The following BCAS3 variants were observed in gnomAD, a reference collection of about 807,000 sequenced individuals.
BCAS3 encodes BCAS4/BCAS3 fusion.
A neutral mutation model predicts 116.1 loss-of-function variants in BCAS3; 53 were observed. That is an observed-to-expected ratio of 0.46 (90% CI 0.37 to 0.57). The LOEUF is 0.57. BCAS3 is among the 20% of genes least tolerant of loss of function. The probability of loss-of-function intolerance (pLI) is 0.00; values close to 1 mark genes in which losing one functional copy is unlikely to be tolerated. For missense variants in BCAS3, 917 were observed against 1,165.4 expected (o/e 0.79, Z 3.10); for synonymous variants, 391 against 408.2 (o/e 0.96, Z 0.51).
Position 61,332,839 on chromosome 17 carries a change from C to T in BCAS3, c.2426-35488C>T, listed in dbSNP as rs1441532540. On this transcript the variant is annotated intron_variant, in intron 22 of 23. Transcript: ENST00000407086. The surrounding 1 kb of genome is among the most constrained non-coding windows in gnomAD (Gnocchi z 5.4). The stretch of plus-strand genomic sequence containing the variant: ...CCATGTTAGCCAGGCTGGTCTCAAA[C>T]TCCTGACCTCAGGTGATCTGCCCGC... Among the ~76,000 whole-genome samples, 1 of 152,206 alleles carries T rather than the reference C, an allele frequency of 6.6e-6. No homozygotes were observed. Among genetic ancestry groups the T allele is most frequent in the Non-Finnish European group, 1.5e-5 (1 of 68,040 alleles).
At chr17:61,357,986 G>A (rs887795836) in intron 22 of BCAS3, among the ~76,000 whole-genome samples, 1 of 151,692 alleles carries the variant, frequency 6.6e-6, no homozygotes, top group Admixed American at 6.6e-5. Flanking sequence ...TCCTTGGGAT[G>A]CTAAGGCACA....
chr17:61,202,852 A>T (rs777892761), intron 22 of BCAS3, among the ~76,000 whole-genome samples: 25 of 152,326 alleles, frequency 1.6e-4, no homozygotes, highest in Non-Finnish European at 2.5e-4. Flanking sequence ...AATAGCCTAA[A>T]TATCTCATAG....
At chr17:60,872,728 CAT>C (rs900172637) in intron 8 of BCAS3, among the ~76,000 whole-genome samples, 3 of 148,464 alleles carry the variant, frequency 2.0e-5, no homozygotes, top group African/African-American at 5.0e-5. Context: ...TATACACACA[CAT>C]ACCTCATATA....
Position 61,158,574 on chromosome 17 carries a change from A to G in BCAS3, c.2425+74010A>G, listed in dbSNP as rs115912462. Reference sequence around the variant, plus strand: ...AGATTGCATTACTCTTGCATCAAATATCATGCTATCTTCATCCAGGCTTTT... The same window carrying G: ...AGATTGCATTACTCTTGCATCAAATGTCATGCTATCTTCATCCAGGCTTTT... On this transcript the variant is annotated intron_variant, in intron 22 of 23. Transcript: ENST00000407086. Among the ~76,000 whole-genome samples the G allele has an allele frequency of 8.3e-3, 1,267 of 152,328 alleles. 22 individuals carry two copies. The highest frequency in any genetic ancestry group is 0.029 in the African/African-American group (1,197 of 41,576).
chr17:60,898,778 AC>A (rs2057682340), intron 10 of BCAS3, among the ~76,000 whole-genome samples: 1 of 152,024 alleles, frequency 6.6e-6, no homozygotes, highest in Non-Finnish European at 1.5e-5. Context: ...ATGGGTGATA[AC>A]GGTAGCAGTG....
rs2080717668 is a variant in BCAS3, at chr17:61,199,785, T to C, written c.2425+115221T>C. On this transcript the variant is annotated intron_variant, in intron 22 of 23. Transcript: ENST00000407086. This position sits in a 1 kb window ranked among gnomAD's most constrained non-coding sequence, Gnocchi z 4.6. ...ATGTTGTCCTCAGCAATAGATCCTA[T>C]CTCTATCCCTTTTCCAAAAGCCCGG... Among the ~76,000 whole-genome samples, 1 of 152,184 alleles carries C rather than the reference T, an allele frequency of 6.6e-6. No individual in the cohort carries two copies. Among genetic ancestry groups the C allele is most frequent in the Non-Finnish European group, 1.5e-5 (1 of 68,028 alleles).
chr17:60,873,522 CTATTTA>C (rs2055318136), intron 8 of BCAS3, among the ~76,000 whole-genome samples: 1 of 151,958 alleles, frequency 6.6e-6, no homozygotes, highest in Non-Finnish European at 1.5e-5. Context: ...TTAAGCTTGG[CTATTTA>C]TATTAATATG....
chr17:60,753,971 C>T (rs1358747659), intron 6 of BCAS3, among the ~76,000 whole-genome samples: 2 of 152,136 alleles, frequency 1.3e-5, no homozygotes, highest in African/African-American at 4.8e-5. Context: ...AGACAATAAT[C>T]TAGAATGCTA....
intron 14 of BCAS3, among the ~76,000 whole-genome samples, chr17:60,954,735 C>T (rs959192455): frequency 6.6e-6 from 1 of 152,042 alleles, no homozygotes; most frequent in South Asian, 2.1e-4. Flanking sequence ...ATATAATGCC[C>T]AATTTCTTTC....
At chr17:60,908,730 T>TA (rs1354239646) in intron 11 of BCAS3, among the ~76,000 whole-genome samples, 1 of 152,228 alleles carries the variant, frequency 6.6e-6, no homozygotes, top group Non-Finnish European at 1.5e-5. Flanking sequence ...ACAAAACAGT[T>TA]ACAATTGATT....
At chr17:61,045,965 AAT>A (rs1348664860) in intron 19 of BCAS3, among the ~76,000 whole-genome samples, 587 of 10,614 alleles carry the variant, frequency 0.055, 41 homozygotes, top group Non-Finnish European at 0.06. Flanking sequence ...ATATATATAT[AAT>A]ATATATATAT....
intron 22 of BCAS3, among the ~76,000 whole-genome samples, chr17:61,177,199 A>G (rs1032736484): frequency 5.9e-5 from 9 of 152,200 alleles, no homozygotes; most frequent in Non-Finnish European, 1.3e-4. Context: ...TTCCATTCCT[A>G]AATATTTAAC....
intron 22 of BCAS3, among the ~76,000 whole-genome samples, chr17:61,167,200 A>G (rs117490004): frequency 2.0e-5 from 3 of 152,352 alleles, no homozygotes; most frequent in East Asian, 3.9e-4. Context: ...GTGCATTTCA[A>G]TTACTTAAAA....
At chr17:61,038,276 A>ATT (rs1157013916) in intron 18 of BCAS3, among the ~76,000 whole-genome samples, 32 of 136,696 alleles carry the variant, frequency 2.3e-4, no homozygotes, top group South Asian at 4.6e-4. Flanking sequence ...AGTTTCTAGA[A>ATT]TTTTTTTTTT....
rs775487616 is a variant in BCAS3 at position 61,226,984 on chromosome 17, G to A, written c.2426-141343G>A. 2.0e-5 allele frequency among the ~76,000 whole-genome samples: 3 copies of A among 152,224 alleles called. No individual in the cohort carries two copies. In the East Asian group the frequency reaches 5.8e-4, roughly 29 times the overall value. ...AAAATATGCTCTGGTGGGCCTTCCT[G>A]ATGGGACCCTCGAGGGAGGAGAGGA... On this transcript the variant is annotated intron_variant, in intron 22 of 23. Transcript: ENST00000407086. This position sits in a 1 kb window ranked among gnomAD's most constrained non-coding sequence, Gnocchi z 6.0.
intron 22 of BCAS3, among the ~76,000 whole-genome samples, chr17:61,177,367 C>T (rs1231138753): frequency 6.6e-6 from 1 of 152,134 alleles, no homozygotes; most frequent in African/African-American, 2.4e-5. Context: ...TGGAATACTA[C>T]TCAGCAATAA....
In BCAS3 at chr17:61,004,382, ATT is replaced by A. The variant is rs1326618742; in HGVS notation, c.1487-11367_1487-11366del. 6.6e-6 allele frequency among the ~76,000 whole-genome samples: 1 copy of A among 150,858 alleles called. No homozygotes were observed. The highest frequency in any genetic ancestry group is 2.4e-5 in the African/African-American group (1 of 41,128). On this transcript the variant is annotated intron_variant, in intron 15 of 23. Transcript: ENST00000407086. The surrounding 1 kb of genome is among the most constrained non-coding windows in gnomAD (Gnocchi z 4.8). Reference sequence around the variant, plus strand: ...AGATCTGAAATGTTTTTTTTTTTTAATTTGGAGAAAAATTGGAGAGGGAGAAG... The same window carrying A: ...AGATCTGAAATGTTTTTTTTTTTTAATGGAGAAAAATTGGAGAGGGAGAAG...
chr17:61,167,915 G>A (rs140296627), intron 22 of BCAS3, among the ~76,000 whole-genome samples: 3 of 152,184 alleles, frequency 2.0e-5, no homozygotes, highest in African/African-American at 4.8e-5. Context: ...ACTTTTCATC[G>A]TCTTAGCCAC....
rs1231086030 is a variant in BCAS3, at chr17:61,281,866, C to A, written c.2426-86461C>A. Among the ~76,000 whole-genome samples the A allele has an allele frequency of 6.6e-6, 1 of 151,864 alleles. No individual in the cohort carries two copies. Among genetic ancestry groups the A allele is most frequent in the Non-Finnish European group, 1.5e-5 (1 of 67,974 alleles). ...CATTTCTCTGTTTTTAAAAAAAATT[C>A]TTCGTTTTATGGTAAATTTTTACTT... On this transcript the variant is annotated intron_variant, in intron 22 of 23. Transcript: ENST00000407086. The surrounding 1 kb of genome is among the most constrained non-coding windows in gnomAD (Gnocchi z 4.2).
Sources: allele counts gnomAD v4.1 joint callset (sites outside exome capture counted in the v4.1 genomes callset), GRCh38; gene constraint gnomAD v4.1.1; non-coding constraint Gnocchi (gnomAD v3.1); transcripts MANE v1.5; gene names NCBI Gene and HGNC (gene_info 2026-07-23, HGNC 2026-07-21).